The following SREBF1 variants were observed in gnomAD, a reference collection of about 807,000 sequenced individuals.
SREBF1 encodes the protein sterol regulatory element-binding protein 1.
A neutral mutation model predicts 100.1 loss-of-function variants in SREBF1; 45 were observed. The ratio of observed to expected loss-of-function variants is 0.45; its 90% confidence interval spans 0.35 to 0.58. The LOEUF is 0.58. Among genes scored for constraint, SREBF1 ranks in the 20% least tolerant of loss-of-function variants. The pLI is 0.00. For synonymous variants in SREBF1, 657 were observed against 681.8 expected, an observed-to-expected ratio of 0.96 and a Z score of 0.57; for missense variants, 1,324 against 1,539.4, an observed-to-expected ratio of 0.86 and a Z score of 2.34.
chr17:17,820,097 G>C lies in SREBF1; in HGVS notation c.516C>G (p.Phe172Leu), dbSNP rs1164088209. ...VLGYPSPPGG[F>L]STGSPPGNTQ... ...GCCACACATCCCCCTTACCTGTAGA[G>C]AAGCCTCCCGGAGGGCTGGGGTAGC... The change falls in exon 2 of 19, where the codon TTC becomes TTG. Residue 172 changes from phenylalanine to leucine, a missense_variant. Phe to Leu is a conservative substitution (Grantham distance 22, BLOSUM62 0). Coordinates refer to ENST00000261646, the MANE Select transcript of SREBF1 (RefSeq NM_004176.5). 5.6e-6 allele frequency: 9 copies of C among 1,611,384 alleles called. No homozygotes were observed. The highest frequency in any genetic ancestry group is 1.7e-5 in the Admixed American group (1 of 59,900).
At chr17:17,836,517 T>C (rs1295875440) in intron 1 of SREBF1, among the ~76,000 whole-genome samples, 1 of 151,888 alleles carries the variant, frequency 6.6e-6, no homozygotes, top group Non-Finnish European at 1.5e-5. Flanking sequence ...CCAGGAGCCC[T>C]CACCCACAAG....
In SREBF1 at chr17:17,819,566, G is replaced by C. The variant is rs372684525; in HGVS notation, c.683C>G (p.Thr228Ser). Residue 228 changes from threonine (T) to serine (S), a missense_variant, in exon 3 of 19, where the codon ACT (threonine) becomes AGT (serine). Thr to Ser is a moderately conservative substitution (Grantham distance 58). Transcript: ENST00000261646. Reference sequence around the variant, plus strand: ...GACCTGCTGGATCTGCGAGGTCACAGTGGTCGTTACAGGGGCTGCCGTGGG... The same window carrying C: ...GACCTGCTGGATCTGCGAGGTCACACTGGTCGTTACAGGGGCTGCCGTGGG... ...AAPTAAPVTT[T>S]VTSQIQQVPV... is the part of the protein sequence containing the mutation. The C allele has an allele frequency of 6.2e-7, 1 of 1,613,752 alleles. No homozygotes were observed. The highest frequency in any genetic ancestry group is 8.5e-7 in the Non-Finnish European group (1 of 1,180,010).
rs531079618 is a variant in SREBF1 at position 17,812,617 on chromosome 17, G to C, written c.*5C>G. ...ACAGGGGTGCTGAGGCCGGGGACAC[G>C]GGGTCTAGCTGGAAGTGACAGTGGT... On this transcript the variant is annotated 3_prime_UTR_variant, in exon 19 of 19. Transcript: ENST00000261646. The C allele has an allele frequency of 5.6e-6, 9 of 1,597,524 alleles. No individual in the cohort carries two copies. The African/African-American group carries it at 1.1e-4, about 19-fold the overall frequency.
chr17:17,829,205 A>AATATATATATATATATATAT (rs71155305), intron 1 of SREBF1, among the ~76,000 whole-genome samples: 1 of 65,846 alleles, frequency 1.5e-5, no homozygotes, highest in Admixed American at 1.4e-4. Context: ...AAAAAAAAAA[A>AATATATATATATATATATAT]ATATATATAT....
At chr17:17,813,279 C>T (rs1168315823) in intron 18 of SREBF1, 89 bp downstream of exon 18, 12 of 1,333,156 alleles carry the variant, frequency 9.0e-6, no homozygotes, top group African/African-American at 1.4e-5. Flanking sequence ...CCGTCTGACA[C>T]ACACACAGCC....
intron 1 of SREBF1, among the ~76,000 whole-genome samples, chr17:17,834,869 C>T (rs753976630): frequency 1.3e-5 from 2 of 152,138 alleles, no homozygotes; most frequent in Non-Finnish European, 2.9e-5. Flanking sequence ...AAAAAATTAG[C>T]CAGGCGTGGT....
At position 17,812,469 on chromosome 17, in the gene SREBF1, T is replaced by A; in HGVS notation, c.*153A>T. On this transcript the variant is annotated 3_prime_UTR_variant, in exon 19 of 19. Coordinates refer to ENST00000261646, the MANE Select transcript of SREBF1 (RefSeq NM_004176.5). Reference sequence around the variant, plus strand: ...GGGTCAAGATCGCGCCCCTCGGGCCTTCCACCGCGAAGGCACACAGCAGCC... The same window carrying A: ...GGGTCAAGATCGCGCCCCTCGGGCCATCCACCGCGAAGGCACACAGCAGCC... The A allele has an allele frequency of 2.5e-6, 2 of 809,608 alleles. No homozygotes were observed. The highest frequency in any genetic ancestry group is 2.8e-5 in the East Asian group (1 of 36,042). The allele number at this position is 809,608 out of a possible 1,614,324, so 50.2% of individuals were successfully genotyped here.
At chr17:17,813,316 C>T in intron 18 of SREBF1, 52 bp downstream of exon 18, 1 of 1,515,470 alleles carries the variant, frequency 6.6e-7, no homozygotes, top group Non-Finnish European at 8.9e-7. Flanking sequence ...CCCATGTGCG[C>T]CCTTCCCTGC....
rs773067590 is a variant in SREBF1, at chr17:17,819,565, A to T, written c.684T>A (p.Thr228=). The T allele has an allele frequency of 1.2e-6, 2 of 1,613,784 alleles. No homozygotes were observed. Among genetic ancestry groups the T allele is most frequent in the East Asian group, 2.2e-5 (1 of 44,876 alleles). ...GGACCTGCTGGATCTGCGAGGTCAC[A>T]GTGGTCGTTACAGGGGCTGCCGTGG... ...AAPTAAPVTT[T]VTSQIQQVPV... The change falls in exon 3 of 19, where the codon ACT becomes ACA. Residue 228 remains threonine, a synonymous_variant. Coordinates refer to ENST00000261646, the MANE Select transcript of SREBF1 (RefSeq NM_004176.5).
At position 17,814,758 on chromosome 17, in the gene SREBF1, G is replaced by T; in HGVS notation, c.2603-11C>A. ...CCACCGGGTCTACGCCTGCAGAAGA[G>T]GGAGGGTCCCCTGAACCCTCAGTCA... On this transcript the variant is annotated splice_polypyrimidine_tract_variant and intron_variant, in intron 14 of 18. Transcript: ENST00000261646. 6.2e-7 allele frequency: 1 copy of T among 1,611,592 alleles called. No individual in the cohort carries two copies.
chr17:17,813,342 T>G (rs2033152100), intron 18 of SREBF1, 26 bp downstream of exon 18: 1 of 1,566,476 alleles, frequency 6.4e-7, no homozygotes, highest in African/African-American at 1.4e-5. Flanking sequence ...AGACAGCACA[T>G]CCCTGGTCAG....
At position 17,836,864 on chromosome 17, in the gene SREBF1, A is replaced by G. The variant is rs1248157705; in HGVS notation, c.-47T>C. The G allele has an allele frequency of 3.3e-6, 5 of 1,498,544 alleles. No individual in the cohort carries two copies. The highest frequency in any genetic ancestry group is 4.4e-6 in the Non-Finnish European group (5 of 1,126,304). 92.8% of individuals were successfully genotyped at this position (1,498,544 alleles called of 1,614,324 possible). A position where few individuals can be genotyped will look rare whatever the true frequency, so the allele number is the denominator to read the frequency against. ...AGGCCCGCCGGGCCCGCCGCCTCGT[A>G]CGGCCCTTCCTAGGGAGCGCCGCCG... is the stretch of plus-strand genomic sequence containing the variant. On this transcript the variant is annotated 5_prime_UTR_variant, in exon 1 of 19. Transcript: ENST00000261646.
rs946587233 is a variant in SREBF1 at position 17,822,904 on chromosome 17, G to A, written c.92-2383C>T. Among the ~76,000 whole-genome samples the A allele has an allele frequency of 3.9e-5, 6 of 152,190 alleles. No individual in the cohort carries two copies. The South Asian group carries it at 1.0e-3, about 26-fold the overall frequency. On this transcript the variant is annotated intron_variant, in intron 1 of 18. Transcript: ENST00000261646. ...CTAGAGCAGTTGGCAGAACAGGATG[G>A]GGTGGCAGCCCCAGTCTTCCTGGCT...
Position 17,811,621 on chromosome 17 carries a change from T to TGGC in SREBF1, c.*998_*1000dup, listed in dbSNP as rs1043072256. On this transcript the variant is annotated 3_prime_UTR_variant, in exon 19 of 19. Transcript: ENST00000261646. Reference sequence around the variant, plus strand: ...CCGCCCCTGTGCCCCCTCTCCAGTGTGGCGGCAGGTCGGGAGGGAGGAGGC... The same window carrying TGGC: ...CCGCCCCTGTGCCCCCTCTCCAGTGTGGCGGCGGCAGGTCGGGAGGGAGGAGGC... The TGGC allele has an allele frequency of 4.7e-6, 2 of 427,222 alleles. No homozygotes were observed. Among genetic ancestry groups the TGGC allele is most frequent in the African/African-American group, 4.2e-5 (2 of 47,134 alleles). The allele number at this position is 427,222 out of a possible 1,614,324, so 26.5% of individuals were successfully genotyped here. A position where few individuals can be genotyped will look rare whatever the true frequency, so the allele number is the denominator to read the frequency against.
chr17:17,820,592 A>G, intron 1 of SREBF1, 71 bp from the exon 2 acceptor site: 3 of 1,509,158 alleles, frequency 2.0e-6, no homozygotes, highest in Non-Finnish European at 2.7e-6. Context: ...ACACACATCC[A>G]AACACAACCT....
chr17:17,829,205 A>ATATAT (rs1555572777), intron 1 of SREBF1, among the ~76,000 whole-genome samples: 3 of 65,850 alleles, frequency 4.6e-5, no homozygotes, highest in African/African-American at 2.6e-4. Flanking sequence ...AAAAAAAAAA[A>ATATAT]ATATATATAT....
chr17:17,817,565 C>T lies in SREBF1; in HGVS notation c.1405-108G>A, dbSNP rs758082732. ...CTGCCCACCTTACTGTGGGACCCCACGTGGCTCCAGGCCTCAGTTATTCTG... is the reference window on the plus strand; with the variant it reads ...CTGCCCACCTTACTGTGGGACCCCATGTGGCTCCAGGCCTCAGTTATTCTG... On this transcript the variant is annotated intron_variant, in intron 7 of 18. Transcript: ENST00000261646. This position sits in a 1 kb window ranked among gnomAD's most constrained non-coding sequence, Gnocchi z 6.6. The T allele has an allele frequency of 1.5e-5, 23 of 1,523,942 alleles. No individual in the cohort carries two copies. Among genetic ancestry groups the T allele is most frequent in the Middle Eastern group, 1.7e-4 (1 of 5,966 alleles). The allele number at this position is 1,523,942 out of a possible 1,614,324, so 94.4% of individuals were successfully genotyped here. A position where few individuals can be genotyped will look rare whatever the true frequency, so the allele number is the denominator to read the frequency against.
Position 17,817,704 on chromosome 17 carries a change from C to T in SREBF1, c.1396G>A (p.Asp466Asn), listed in dbSNP as rs1459398133. Reference protein sequence around the residue: ...DSEPDSPVFEDSKAKPEQRPS... With the variant: ...DSEPDSPVFENSKAKPEQRPS... ...CCGTGGCAGGGCCCAACCTTGCTGT[C>T]CTCAAAGACTGGGCTGTCAGGCTCC... is the stretch of plus-strand genomic sequence containing the variant. The change falls in exon 7 of 19, where the codon GAC becomes AAC. Residue 466 changes from aspartate (D) to asparagine (N), a missense_variant. Physicochemically the swap from Asp to Asn is conservative, Grantham distance 23 (BLOSUM62 1). Coordinates refer to ENST00000261646, the MANE Select transcript of SREBF1 (RefSeq NM_004176.5). This position sits in a 1 kb window ranked among gnomAD's most constrained non-coding sequence, Gnocchi z 6.6. The T allele has an allele frequency of 6.2e-7, 1 of 1,613,220 alleles. No individual in the cohort carries two copies. Among genetic ancestry groups the T allele is most frequent in the Non-Finnish European group, 8.5e-7 (1 of 1,179,958 alleles).
rs1465855227 is a variant in SREBF1 at position 17,814,847 on chromosome 17, C to T, written c.2590G>A (p.Ala864Thr). ...GCCGGGGACTCACCGGTGGTGGTGG[C>T]CATGCTGGAACTGATGGAGAAGCTG... ...AYSFSISSSM[A>T]TTTGVDPVAK... The change falls in exon 14 of 19, where the codon GCC becomes ACC. Residue 864 changes from alanine to threonine, a missense_variant. Coordinates refer to ENST00000261646, the MANE Select transcript of SREBF1 (RefSeq NM_004176.5). 9 of 1,594,914 alleles carry T rather than the reference C, an allele frequency of 5.6e-6. No homozygotes were observed. The East Asian group carries it at 2.0e-4, about 36-fold the overall frequency.
Sources: allele counts gnomAD v4.1 joint callset (sites outside exome capture counted in the v4.1 genomes callset), GRCh38; gene constraint gnomAD v4.1.1; non-coding constraint Gnocchi (gnomAD v3.1); transcripts MANE v1.5; gene names NCBI Gene and HGNC (gene_info 2026-07-23, HGNC 2026-07-21).